JPH3: variants seen among roughly 807,000 people sequenced by gnomAD.
JPH3 encodes the protein junctophilin 3, also known as junctophilin-3.
In JPH3, 11 loss-of-function variants were observed where a neutral mutation model predicts 59.6. The ratio of observed to expected loss-of-function variants is 0.18; its 90% confidence interval spans 0.12 to 0.31. JPH3 has a LOEUF of 0.31. JPH3 is among the 10% of genes least tolerant of loss of function. JPH3 has a pLI of 1.00. For missense variants in JPH3, 1,202 were observed against 1,105.7 expected, an observed-to-expected ratio of 1.09 and a Z score of -1.24; for synonymous variants, 673 against 483.6, an observed-to-expected ratio of 1.39 and a Z score of -5.14.
intron 1 of JPH3, among the ~76,000 whole-genome samples, chr16:87,633,297 C>G (rs1006429758): frequency 2.7e-5 from 4 of 145,656 alleles, no homozygotes; most frequent in Non-Finnish European, 6.0e-5. Context: ...CCAGTGCCTT[C>G]ATTTTTAACT....
At chr16:87,661,963 C>T (rs867965636) in intron 2 of JPH3, among the ~76,000 whole-genome samples, 23 of 152,220 alleles carry the variant, frequency 1.5e-4, no homozygotes, top group South Asian at 8.3e-4. Flanking sequence ...GTTGATTTTA[C>T]GCTCACAGAT....
chr16:87,604,932 G>C, intron 1 of JPH3: 1 of 451,824 alleles, frequency 2.2e-6, no homozygotes, highest in Admixed American at 2.4e-5. Flanking sequence ...GGGGCGCTGA[G>C]GGCCGGGCGG....
chr16:87,688,537 G>A (rs1013232284), intron 3 of JPH3, among the ~76,000 whole-genome samples: 1 of 151,908 alleles, frequency 6.6e-6, no homozygotes, highest in Non-Finnish European at 1.5e-5. Context: ...CAGGCCAGGA[G>A]AATGTCCGAG....
intron 1 of JPH3, among the ~76,000 whole-genome samples, chr16:87,615,972 G>A (rs2030941784): frequency 6.6e-6 from 1 of 152,138 alleles, no homozygotes; most frequent in Non-Finnish European, 1.5e-5. Context: ...GTGGAGAGAG[G>A]GAAGAAGAGC....
chr16:87,658,589 A>G (rs7203396), intron 2 of JPH3, among the ~76,000 whole-genome samples: 73,162 of 151,834 alleles, frequency 0.48, 17,959 homozygotes, highest in East Asian at 0.64. Context: ...TTCACCTGTG[A>G]ATTCCTGAAA....
At position 87,602,596 on chromosome 16, in the gene JPH3, C is replaced by T. The variant is rs1220899733; in HGVS notation, c.-551C>T. Among the ~76,000 whole-genome samples, 1 of 142,944 alleles carries T rather than the reference C, an allele frequency of 7.0e-6. No individual in the cohort carries two copies. Among genetic ancestry groups the T allele is most frequent in the Non-Finnish European group, 1.5e-5 (1 of 64,560 alleles). 93.8% of individuals were successfully genotyped at this position (142,944 alleles called of 152,430 possible). On this transcript the variant is annotated 5_prime_UTR_variant, in exon 1 of 5. Coordinates refer to ENST00000284262, the MANE Select transcript of JPH3 (RefSeq NM_020655.4). ...CGCCGCATTGCTGCTGCTGCTGCCG[C>T]CGCCGCCCCGCGCCCGGCCCGCGGC...
At chr16:87,657,276 CA>C (rs2032534845) in intron 2 of JPH3, among the ~76,000 whole-genome samples, 1 of 152,174 alleles carries the variant, frequency 6.6e-6, no homozygotes. Context: ...ATGAATGAGC[CA>C]GAGAAAGTGA....
Position 87,696,874 on chromosome 16 carries a change from A to T in JPH3, c.*214A>T. 1.8e-6 allele frequency: 1 copy of T among 558,864 alleles called. No homozygotes were observed. The highest frequency in any genetic ancestry group is 3.2e-6 in the Non-Finnish European group (1 of 309,442). 34.6% of individuals were successfully genotyped at this position (558,864 alleles called of 1,614,324 possible). A position where few individuals can be genotyped will look rare whatever the true frequency, so the allele number is the denominator to read the frequency against. On this transcript the variant is annotated 3_prime_UTR_variant, in exon 5 of 5. Transcript: ENST00000284262. ...TTTAGCCAAAATTCTTTGCTTGTATAACACTCTGCTGTGTGGCATGGCAGA... is the reference window on the plus strand; with the variant it reads ...TTTAGCCAAAATTCTTTGCTTGTATTACACTCTGCTGTGTGGCATGGCAGA...
chr16:87,675,384 C>T (rs556495830), intron 2 of JPH3, among the ~76,000 whole-genome samples: 3 of 152,314 alleles, frequency 2.0e-5, no homozygotes, highest in Admixed American at 6.5e-5. Context: ...GACCAGCCTC[C>T]CCGTCCAGCC....
intron 2 of JPH3, among the ~76,000 whole-genome samples, chr16:87,677,225 C>CACACACAAAA (rs1271128667): frequency 4.8e-4 from 39 of 81,710 alleles, no homozygotes; most frequent in East Asian, 3.5e-3. Flanking sequence ...CACACACACA[C>CACACACAAAA]AAAAAAAAAA....
chr16:87,615,942 C>A (rs888745458), intron 1 of JPH3, among the ~76,000 whole-genome samples: 4 of 152,092 alleles, frequency 2.6e-5, no homozygotes, highest in Non-Finnish European at 5.9e-5. Context: ...GAGCTCTGAG[C>A]GACAGGAGGG....
At position 87,644,307 on chromosome 16, in the gene JPH3, C is replaced by G. The variant is rs374986259; in HGVS notation, c.432C>G (p.Val144=). Residue 144 remains valine (V), a synonymous_variant, in exon 2 of 5, where the codon GTC becomes GTG. Transcript: ENST00000284262. ...GTGGCATGCGCCAGGGCTACGGCGTCCGGCAGAGCGTCCCGTATGGCATGG... is the reference window on the plus strand; with the variant it reads ...GTGGCATGCGCCAGGGCTACGGCGTGCGGCAGAGCGTCCCGTATGGCATGG... ...WVGGMRQGYG[V]RQSVPYGMAA... 9.9e-5 allele frequency: 160 copies of G among 1,612,662 alleles called. No homozygotes were observed. Among genetic ancestry groups the G allele is most frequent in the Non-Finnish European group, 1.2e-4 (145 of 1,179,866 alleles).
chr16:87,666,093 C>CTT (rs5818641), intron 2 of JPH3, among the ~76,000 whole-genome samples: 1 of 145,008 alleles, frequency 6.9e-6, no homozygotes, highest in Non-Finnish European at 1.5e-5. Context: ...CTTTTTTTCT[C>CTT]TTTTTTTTTT....
intron 2 of JPH3, among the ~76,000 whole-genome samples, chr16:87,682,201 G>A (rs1183182866): frequency 6.6e-6 from 1 of 151,334 alleles, no homozygotes; most frequent in African/African-American, 2.4e-5. Flanking sequence ...ATTACTCTCT[G>A]TATGTAAATG....
At chr16:87,680,025 C>A (rs966260204) in intron 2 of JPH3, among the ~76,000 whole-genome samples, 28 of 152,332 alleles carry the variant, frequency 1.8e-4, no homozygotes, top group African/African-American at 6.5e-4. Flanking sequence ...CTCTGGGCAC[C>A]CGTTGGGGAC....
chr16:87,604,557 A>G, intron 1 of JPH3: 2 of 1,249,804 alleles, frequency 1.6e-6, no homozygotes, highest in Non-Finnish European at 1.0e-6. Context: ...TGTTTCAGGC[A>G]TGGATGCCTG....
At chr16:87,683,220 G>T (rs949664986) in intron 2 of JPH3, among the ~76,000 whole-genome samples, 10 of 152,250 alleles carry the variant, frequency 6.6e-5, no homozygotes, top group Non-Finnish European at 1.2e-4. Context: ...ACAGCACAGC[G>T]GGCCGGCACC....
At chr16:87,685,939 G>T (rs1236371123) in intron 3 of JPH3, among the ~76,000 whole-genome samples, 1 of 152,192 alleles carries the variant, frequency 6.6e-6, no homozygotes, top group East Asian at 1.9e-4. Context: ...TTATGGAACA[G>T]ACTTTGAGAC....
chr16:87,683,360 A>G (rs1489681299), intron 2 of JPH3, among the ~76,000 whole-genome samples: 1 of 151,600 alleles, frequency 6.6e-6, no homozygotes, highest in Non-Finnish European at 1.5e-5. Flanking sequence ...GCTGGAGTGC[A>G]ATGGCGTGAT....
Sources: allele counts gnomAD v4.1 joint callset (sites outside exome capture counted in the v4.1 genomes callset), GRCh38; gene constraint gnomAD v4.1.1; transcripts MANE v1.5; gene names NCBI Gene and HGNC (gene_info 2026-07-23, HGNC 2026-07-21).